The following RSPO4 variants were observed in gnomAD, a reference collection of about 807,000 sequenced individuals.
RSPO4 encodes the protein R-spondin 4, also known as R-spondin-4.
In RSPO4, 23 loss-of-function variants were observed where a neutral mutation model predicts 24.8. The observed-to-expected ratio is 0.93, with a 90% CI of 0.67 to 1.31. The LOEUF is 1.31. RSPO4 is among the 40% of genes most tolerant of loss of function. The pLI, the probability that RSPO4 is intolerant of heterozygous loss-of-function variation, is 0.00. For synonymous variants in RSPO4, 141 were observed against 127.4 expected (o/e 1.11, Z -0.72); for missense variants, 333 against 316.5 (o/e 1.05, Z -0.39).
intron 1 of RSPO4, among the ~76,000 whole-genome samples, chr20:994,208 T>C (rs1266823053): frequency 2.6e-5 from 4 of 152,142 alleles, no homozygotes; most frequent in African/African-American, 9.7e-5. Context: ...TTGATGCCAA[T>C]GAAAGTTAAG....
At chr20:978,546 C>T (rs760912419) in intron 1 of RSPO4, among the ~76,000 whole-genome samples, 6 of 152,102 alleles carry the variant, frequency 3.9e-5, no homozygotes, top group East Asian at 1.9e-4. Flanking sequence ...AATGCATGAA[C>T]GGTGGCTCAA....
At chr20:973,946 C>G (rs368579246) in intron 1 of RSPO4, among the ~76,000 whole-genome samples, 2 of 152,124 alleles carry the variant, frequency 1.3e-5, no homozygotes, top group African/African-American at 4.8e-5. Context: ...TTTTGACTTC[C>G]GGTAGCCTGT....
At chr20:964,155 G>C in intron 3 of RSPO4, 35 bp from the exon 4 acceptor site, 1 of 1,571,252 alleles carries the variant, frequency 6.4e-7, no homozygotes, top group East Asian at 2.3e-5. Flanking sequence ...CAGACAGACA[G>C]ACAGGGTCAG....
intron 1 of RSPO4, among the ~76,000 whole-genome samples, chr20:990,469 C>T (rs1347808866): frequency 6.7e-6 from 1 of 150,002 alleles, no homozygotes; most frequent in Non-Finnish European, 1.5e-5. Context: ...CTTTTTCCTT[C>T]CTTCCTTCCT....
chr20:976,609 T>C (rs547439475), intron 1 of RSPO4, among the ~76,000 whole-genome samples: 65 of 151,924 alleles, frequency 4.3e-4, no homozygotes, highest in African/African-American at 1.6e-3. Context: ...GAACTTAGGG[T>C]CATCTCTGCC....
At chr20:966,338 C>T (rs1249781132) in intron 3 of RSPO4, among the ~76,000 whole-genome samples, 7 of 152,162 alleles carry the variant, frequency 4.6e-5, no homozygotes, top group Non-Finnish European at 8.8e-5. Context: ...GATACTGACA[C>T]GTACTGAGCA....
Position 981,467 on chromosome 20 carries a change from T to C in RSPO4, c.80-13329A>G, listed in dbSNP as rs917079553. Among the ~76,000 whole-genome samples, 29 of 152,268 alleles carry C rather than the reference T, an allele frequency of 1.9e-4. No homozygotes were observed. Among genetic ancestry groups the C allele is most frequent in the African/African-American group, 7.0e-4 (29 of 41,542 alleles). ...TTGAATCCAGGATGCGGAGGTTGCA[T>C]GAGCCAAGATTGCACCACTGCACTC... is the stretch of plus-strand genomic sequence containing the variant. On this transcript the variant is annotated intron_variant, in intron 1 of 4. Transcript: ENST00000217260. This position sits in a 1 kb window ranked among gnomAD's most constrained non-coding sequence, Gnocchi z 4.6.
chr20:984,183 AAACACCT>A (rs1984830222), intron 1 of RSPO4, among the ~76,000 whole-genome samples: 1 of 151,884 alleles, frequency 6.6e-6, no homozygotes, highest in Non-Finnish European at 1.5e-5. Flanking sequence ...TAAAAACACA[AAACACCT>A]GCACCAGGTG....
intron 1 of RSPO4, among the ~76,000 whole-genome samples, chr20:991,004 C>T (rs1000260768): frequency 2.6e-5 from 4 of 152,162 alleles, no homozygotes; most frequent in African/African-American, 7.2e-5. Context: ...CAGGAAGGCC[C>T]GAGGGCTGCT....
chr20:971,330 G>C (rs1047247413), intron 1 of RSPO4, among the ~76,000 whole-genome samples: 3 of 152,256 alleles, frequency 2.0e-5, no homozygotes, highest in African/African-American at 7.2e-5. Flanking sequence ...AGGTGATGCT[G>C]ATGCTGCTGG....
chr20:964,471 T>A (rs6056267), intron 3 of RSPO4, among the ~76,000 whole-genome samples: 4,831 of 151,802 alleles, frequency 0.032, 275 homozygotes, highest in African/African-American at 0.11. Flanking sequence ...CGGCCCACCA[T>A]GTTTGGGAGA....
chr20:992,187 A>T (rs932092295), intron 1 of RSPO4, among the ~76,000 whole-genome samples: 1 of 151,496 alleles, frequency 6.6e-6, no homozygotes. Context: ...CAACATACGC[A>T]CACGCACACG....
intron 1 of RSPO4, among the ~76,000 whole-genome samples, chr20:975,151 G>A (rs978686365): frequency 2.0e-5 from 3 of 152,146 alleles, no homozygotes; most frequent in Non-Finnish European, 4.4e-5. Context: ...GATCACGGTG[G>A]AGCAGCGCTG....
intron 1 of RSPO4, among the ~76,000 whole-genome samples, chr20:969,787 C>T (rs1600091090): frequency 6.6e-6 from 1 of 152,170 alleles, no homozygotes; most frequent in African/African-American, 2.4e-5. Flanking sequence ...GACCAGGTGT[C>T]ACTAAGTGAC....
intron 4 of RSPO4, among the ~76,000 whole-genome samples, 156 bp downstream of exon 4, chr20:963,779 C>A (rs1400578428): frequency 1.3e-5 from 2 of 152,160 alleles, no homozygotes; most frequent in Admixed American, 1.3e-4. Context: ...TTTGAAAGGA[C>A]ACCAGGGAAG....
At chr20:961,051 C>T (rs1038864488) in intron 4 of RSPO4, among the ~76,000 whole-genome samples, 13 of 152,210 alleles carry the variant, frequency 8.5e-5, no homozygotes, top group Admixed American at 6.5e-4. Flanking sequence ...CTCTCTTTCT[C>T]TCCACCCTTC....
intron 1 of RSPO4, among the ~76,000 whole-genome samples, chr20:975,858 T>G (rs2122230678): frequency 6.6e-6 from 1 of 152,302 alleles, no homozygotes; most frequent in South Asian, 2.1e-4. Flanking sequence ...ATAATAATGC[T>G]TATCTTGCAG....
At chr20:983,911 G>A (rs1409384023) in intron 1 of RSPO4, among the ~76,000 whole-genome samples, 1 of 152,142 alleles carries the variant, frequency 6.6e-6, no homozygotes, top group South Asian at 2.1e-4. Context: ...CATAGCTGGT[G>A]AGTGGCAAAC....
intron 4 of RSPO4, among the ~76,000 whole-genome samples, chr20:963,552 TCTC>T (rs1284500486): frequency 6.6e-6 from 1 of 152,064 alleles, no homozygotes; most frequent in African/African-American, 2.4e-5. Flanking sequence ...TTCTTTTCTT[TCTC>T]CTCTATATTA....
Sources: gnomAD v4.1 joint callset for allele counts (sites outside exome capture counted in the v4.1 genomes callset) on GRCh38, gnomAD v4.1.1 for gene constraint, Gnocchi (gnomAD v3.1) non-coding constraint, MANE v1.5 for transcripts, NCBI Gene and HGNC (gene_info 2026-07-23, HGNC 2026-07-21) for gene names.